CTNNA3: variants seen among roughly 807,000 people sequenced by gnomAD.
The protein encoded by CTNNA3 is catenin alpha 3.
CTNNA3 carries 76 observed loss-of-function variants against 95.7 expected under a neutral mutation model. The observed-to-expected ratio is 0.79, with a 90% confidence interval of 0.66 to 0.96. The LOEUF (loss-of-function observed/expected upper bound fraction) is 0.96, where lower values mean the gene tolerates loss of function less well. Ranked by LOEUF, CTNNA3 falls within the 40% of genes least tolerant of loss-of-function variation. The pLI is 0.00. For synonymous variants in CTNNA3, 431 were observed against 374.4 expected (o/e 1.15, Z -1.74); for missense variants, 1,191 against 1,089.8 (o/e 1.09, Z -1.31).
At chr10:67,172,914 G>A (rs1279319684) in intron 7 of CTNNA3, among the ~76,000 whole-genome samples, 1 of 151,406 alleles carries the variant, frequency 6.6e-6, no homozygotes, top group Non-Finnish European at 1.5e-5. Context: ...GGCAGAGGTT[G>A]CAGCGAGCCA....
intron 11 of CTNNA3, among the ~76,000 whole-genome samples, chr10:66,470,428 G>A (rs1839085229): frequency 6.6e-6 from 1 of 151,858 alleles, no homozygotes; most frequent in Admixed American, 6.6e-5. Flanking sequence ...TTAATTTATA[G>A]CAATGTCAAT....
At chr10:66,646,400 A>G (rs934073239) in intron 9 of CTNNA3, among the ~76,000 whole-genome samples, 1 of 152,158 alleles carries the variant, frequency 6.6e-6, no homozygotes, top group African/African-American at 2.4e-5. Flanking sequence ...GAGCAAAACA[A>G]TAACTCAGTC....
chr10:67,739,778 G>A (rs1841324550), intron 1 of CTNNA3, among the ~76,000 whole-genome samples: 1 of 152,156 alleles, frequency 6.6e-6, no homozygotes, highest in South Asian at 2.1e-4. Context: ...AGCTGCCAAT[G>A]ACTTTCCTCA....
chr10:67,637,763 T>C (rs1281212132), intron 2 of CTNNA3, among the ~76,000 whole-genome samples: 1 of 152,158 alleles, frequency 6.6e-6, no homozygotes, highest in Admixed American at 6.5e-5. Context: ...CCAGCCAAAC[T>C]AAACTTCATA....
intron 7 of CTNNA3, among the ~76,000 whole-genome samples, chr10:66,826,999 T>C (rs895728774): frequency 6.6e-6 from 1 of 152,196 alleles, no homozygotes; most frequent in Non-Finnish European, 1.5e-5. Flanking sequence ...TTTCCAAAAA[T>C]TGACTATATC....
chr10:66,392,441 C>CA (rs201017909), intron 11 of CTNNA3, among the ~76,000 whole-genome samples: 6,124 of 151,128 alleles, frequency 0.041, 376 homozygotes, highest in African/African-American at 0.14. Context: ...AAAAACAAAA[C>CA]AAAAAAAAGA....
chr10:67,024,704 G>C (rs1003617595), intron 7 of CTNNA3, among the ~76,000 whole-genome samples: 8 of 152,142 alleles, frequency 5.3e-5, no homozygotes, highest in African/African-American at 7.2e-5. Flanking sequence ...TTAATGCTCA[G>C]ATATTGGTAA....
At chr10:66,326,582 T>C (rs72802840) in intron 12 of CTNNA3, among the ~76,000 whole-genome samples, 9,287 of 152,150 alleles carry the variant, frequency 0.061, 447 homozygotes, top group East Asian at 0.11. Flanking sequence ...GGGTAAAATA[T>C]ATAAACTGAA....
chr10:66,015,003 T>G (rs112007290), intron 15 of CTNNA3, among the ~76,000 whole-genome samples: 13,211 of 151,850 alleles, frequency 0.087, 1,081 homozygotes, highest in African/African-American at 0.21. Flanking sequence ...CTCAGGAGGC[T>G]GAAGCAGGAG....
chr10:66,070,534 C>G (rs1199769463), intron 14 of CTNNA3, among the ~76,000 whole-genome samples: 3 of 152,072 alleles, frequency 2.0e-5, no homozygotes, highest in Admixed American at 6.6e-5. Flanking sequence ...GGTCATAAAT[C>G]TGTGATTCTA....
At chr10:66,271,638 T>C (rs1405582430) in intron 13 of CTNNA3, among the ~76,000 whole-genome samples, 1 of 152,142 alleles carries the variant, frequency 6.6e-6, no homozygotes, top group Admixed American at 6.5e-5. Context: ...CCTGGAGATG[T>C]TTTCAAAGGG....
intron 1 of CTNNA3, among the ~76,000 whole-genome samples, chr10:67,737,045 C>G (rs993414125): frequency 6.6e-6 from 1 of 151,910 alleles, no homozygotes; most frequent in Admixed American, 6.6e-5. Flanking sequence ...CTCACTGCAA[C>G]CTCCACCTCC....
intron 7 of CTNNA3, among the ~76,000 whole-genome samples, chr10:67,142,252 T>C (rs899528080): frequency 6.6e-6 from 1 of 152,224 alleles, no homozygotes; most frequent in African/African-American, 2.4e-5. Context: ...TTGACTTTTT[T>C]AGAAAGTAGA....
chr10:66,102,331 T>TATA (rs2081668408), intron 14 of CTNNA3, among the ~76,000 whole-genome samples: 1 of 152,198 alleles, frequency 6.6e-6, no homozygotes, highest in African/African-American at 2.4e-5. Flanking sequence ...AACTAGGCAC[T>TATA]ATATAAGTGG....
chr10:66,161,555 G>A (rs1258398639), intron 13 of CTNNA3, among the ~76,000 whole-genome samples: 2 of 152,304 alleles, frequency 1.3e-5, no homozygotes, highest in Middle Eastern at 3.4e-3. Context: ...TAGGGTTTCT[G>A]CTGAAAAATC....
rs1344146354 is a variant in CTNNA3, at chr10:67,566,016, A to T, written c.293-26347T>A. 7.0e-5 allele frequency among the ~76,000 whole-genome samples: 4 copies of T among 57,198 alleles called. 1 individual carries two copies. Among genetic ancestry groups the T allele is most frequent in the East Asian group, 6.6e-4 (1 of 1,522 alleles). The allele number at this position is 57,198 out of a possible 152,430, so 37.5% of individuals were successfully genotyped here. ...TATATTATATATATATACACACACAAACACACACACACACATATGTGTGTG... is the reference window on the plus strand; with the variant it reads ...TATATTATATATATATACACACACATACACACACACACACATATGTGTGTG... On this transcript the variant is annotated intron_variant, in intron 3 of 17. Coordinates refer to ENST00000433211, the MANE Select transcript of CTNNA3 (RefSeq NM_013266.4).
intron 17 of CTNNA3, among the ~76,000 whole-genome samples, chr10:65,933,691 T>C (rs2077289809): frequency 6.6e-6 from 1 of 152,200 alleles, no homozygotes; most frequent in Admixed American, 6.5e-5. Flanking sequence ...AGGTCTAAAG[T>C]ATTTTTAATA....
At chr10:66,575,751 G>C (rs535380191) in intron 10 of CTNNA3, among the ~76,000 whole-genome samples, 2 of 152,074 alleles carry the variant, frequency 1.3e-5, no homozygotes, top group Non-Finnish European at 2.9e-5. Flanking sequence ...TTTTCAATGA[G>C]GATATAGGCT....
intron 6 of CTNNA3, among the ~76,000 whole-genome samples, chr10:67,196,074 T>C (rs10159839): frequency 0.36 from 55,370 of 152,004 alleles, 14,405 homozygotes; most frequent in African/African-American, 0.74. Context: ...CAAGCAACTA[T>C]ATTATCAATC....
Sources: allele counts gnomAD v4.1 joint callset (sites outside exome capture counted in the v4.1 genomes callset), GRCh38; gene constraint gnomAD v4.1.1; transcripts MANE v1.5; gene names NCBI Gene and HGNC (gene_info 2026-07-23, HGNC 2026-07-21).